Variants in LRRC4C observed in about 807,000 individuals in gnomAD.
The protein encoded by LRRC4C is leucine rich repeat containing 4C.
Under a neutral mutation model 33.6 loss-of-function variants are expected in LRRC4C, and 5 were observed. The observed-to-expected ratio is 0.15, with a 90% CI of 0.08 to 0.31. The LOEUF is 0.31. LRRC4C is among the 10% of genes least tolerant of loss of function. The pLI, the probability that LRRC4C is intolerant of heterozygous loss-of-function variation, is 1.00. For missense variants in LRRC4C, 560 were observed against 796.7 expected (o/e 0.70, Z 3.58); for synonymous variants, 329 against 302.0 (o/e 1.09, Z -0.93).
rs576197952 is a variant in LRRC4C at position 41,121,745 on chromosome 11, G to A, written c.-495-188022C>T. 3.3e-5 allele frequency among the ~76,000 whole-genome samples: 5 copies of A among 152,246 alleles called. No individual in the cohort carries two copies. In the East Asian group the frequency reaches 7.7e-4, roughly 24 times the overall value. On this transcript the variant is annotated intron_variant, in intron 1 of 6. Coordinates refer to ENST00000528697, the MANE Select transcript of LRRC4C (RefSeq NM_001258419.2). ...TAGGAGGACTGTCCACATGCTAGAG[G>A]ATAAAATAAAAGGGATGACCCTGAG...
chr11:41,339,155 T>C lies in LRRC4C; in HGVS notation c.-496+120276A>G, dbSNP rs546652644. Reference sequence around the variant, plus strand: ...TAGGGAAAGTATAGAAACTACTTCATTGGTCTTCACTTTATGATATTGCTA... The same window carrying C: ...TAGGGAAAGTATAGAAACTACTTCACTGGTCTTCACTTTATGATATTGCTA... On this transcript the variant is annotated intron_variant, in intron 1 of 6. Coordinates refer to ENST00000528697, the MANE Select transcript of LRRC4C (RefSeq NM_001258419.2). 2.0e-5 allele frequency among the ~76,000 whole-genome samples: 3 copies of C among 152,306 alleles called. No homozygotes were observed. In the East Asian group the frequency reaches 5.8e-4, roughly 29 times the overall value.
intron 1 of LRRC4C, among the ~76,000 whole-genome samples, chr11:41,312,145 C>T (rs1248649847): frequency 1.3e-5 from 2 of 152,008 alleles, no homozygotes; most frequent in Non-Finnish European, 2.9e-5. Context: ...AGAAAGAAAC[C>T]AGGAATTAGC....
At chr11:41,401,768 A>T (rs1954034519) in intron 1 of LRRC4C, among the ~76,000 whole-genome samples, 1 of 151,936 alleles carries the variant, frequency 6.6e-6, no homozygotes, top group Admixed American at 6.6e-5. Context: ...TGGGTTTTCA[A>T]AGAATATTTC....
intron 1 of LRRC4C, among the ~76,000 whole-genome samples, chr11:41,238,041 C>G (rs1948097898): frequency 1.4e-5 from 2 of 146,560 alleles, no homozygotes; most frequent in Non-Finnish European, 2.9e-5. Flanking sequence ...TCAACTGTCA[C>G]TCTTTTCCTA....
intron 1 of LRRC4C, among the ~76,000 whole-genome samples, chr11:40,965,134 T>TC (rs1479331865): frequency 6.6e-6 from 1 of 152,106 alleles, no homozygotes; most frequent in Non-Finnish European, 1.5e-5. Flanking sequence ...ATGATGAGCA[T>TC]TTTTCATGTG....
rs542211139 is a variant in LRRC4C, at chr11:40,312,813, C to T, written c.-176+6815G>A. Among the ~76,000 whole-genome samples the T allele has an allele frequency of 5.3e-5, 8 of 152,202 alleles. No individual in the cohort carries two copies. In the South Asian group the frequency reaches 1.2e-3, roughly 24 times the overall value. ...GGATGAAAATGTAGTCAGCTTAACC[C>T]GAAAGACATTTATTTGAGCATTTAA... On this transcript the variant is annotated intron_variant, in intron 4 of 6. Coordinates refer to ENST00000528697, the MANE Select transcript of LRRC4C (RefSeq NM_001258419.2).
At chr11:40,775,747 T>G (rs1442396606) in intron 2 of LRRC4C, among the ~76,000 whole-genome samples, 1 of 152,220 alleles carries the variant, frequency 6.6e-6, no homozygotes, top group Non-Finnish European at 1.5e-5. Context: ...TTTTGCTTTT[T>G]CTATTTGGAT....
intron 2 of LRRC4C, among the ~76,000 whole-genome samples, chr11:40,813,374 T>G (rs1353446791): frequency 7.9e-5 from 12 of 152,136 alleles, no homozygotes. Flanking sequence ...AGAGAGCTTG[T>G]GCAGGGGAAC....
intron 2 of LRRC4C, among the ~76,000 whole-genome samples, chr11:40,797,914 T>C (rs1446005002): frequency 7.9e-5 from 12 of 152,210 alleles, no homozygotes; most frequent in Non-Finnish European, 2.9e-5. Flanking sequence ...ATATTAACAC[T>C]GTTATTTAGC....
At chr11:41,121,164 CT>C (rs1183722628) in intron 1 of LRRC4C, among the ~76,000 whole-genome samples, 1 of 152,264 alleles carries the variant, frequency 6.6e-6, no homozygotes, top group African/African-American at 2.4e-5. Flanking sequence ...CATAAAGATC[CT>C]TTTTATTCAA....
intron 4 of LRRC4C, among the ~76,000 whole-genome samples, chr11:40,277,545 A>G (rs760424577): frequency 1.4e-3 from 215 of 152,234 alleles, no homozygotes; most frequent in African/African-American, 1.2e-3. Flanking sequence ...TTTAAACTAA[A>G]AGAAATCTAG....
At chr11:41,210,905 T>A (rs1946796052) in intron 1 of LRRC4C, among the ~76,000 whole-genome samples, 3 of 152,226 alleles carry the variant, frequency 2.0e-5, no homozygotes, top group Admixed American at 2.0e-4. Context: ...CTCAGATCAT[T>A]GGGCATTAGT....
chr11:40,214,684 C>T (rs576549930), intron 5 of LRRC4C, among the ~76,000 whole-genome samples: 26 of 152,236 alleles, frequency 1.7e-4, no homozygotes, highest in Non-Finnish European at 2.5e-4. Context: ...GTAAGACAGC[C>T]CTCACCAAAA....
rs373482471 is a variant in LRRC4C at position 41,348,590 on chromosome 11, C to T, written c.-496+110841G>A. ...TAGATACAGCCAGGAAGAGCGTCTC[C>T]CAGCAGAAGACCAGACTATGGAGAA... On this transcript the variant is annotated intron_variant, in intron 1 of 6. Coordinates refer to ENST00000528697, the MANE Select transcript of LRRC4C (RefSeq NM_001258419.2). Among the ~76,000 whole-genome samples, 8 of 150,628 alleles carry T rather than the reference C, an allele frequency of 5.3e-5. No homozygotes were observed. In the East Asian group the frequency reaches 8.0e-4, roughly 15 times the overall value.
intron 3 of LRRC4C, among the ~76,000 whole-genome samples, chr11:40,609,472 C>T (rs1960976344): frequency 6.6e-6 from 1 of 151,666 alleles, no homozygotes; most frequent in Non-Finnish European, 1.5e-5. Flanking sequence ...CTCAAATAAA[C>T]AACAATTTTG....
Position 41,166,029 on chromosome 11 carries a change from C to CA in LRRC4C, c.-495-232307dup, listed in dbSNP as rs35393339. 7.7e-3 allele frequency among the ~76,000 whole-genome samples: 935 copies of CA among 122,048 alleles called. 4 individuals are homozygous for CA. Among genetic ancestry groups the CA allele is most frequent in the African/African-American group, 0.014 (460 of 32,736 alleles). The allele number at this position is 122,048 out of a possible 152,430, so 80.1% of individuals were successfully genotyped here. ...CTCGGCAACAAGAGCGAAATTCTGT[C>CA]AAAAAAAAAAAAAAAGTCCCCAAAT... On this transcript the variant is annotated intron_variant, in intron 1 of 6. Coordinates refer to ENST00000528697, the MANE Select transcript of LRRC4C (RefSeq NM_001258419.2).
chr11:40,730,117 G>C (rs930381638), intron 2 of LRRC4C, among the ~76,000 whole-genome samples: 4 of 152,156 alleles, frequency 2.6e-5, no homozygotes, highest in South Asian at 2.1e-4. Context: ...GGGTTGGGGG[G>C]GGCAGGGATA....
chr11:41,114,019 T>C (rs1437032160), intron 1 of LRRC4C, among the ~76,000 whole-genome samples: 1 of 152,088 alleles, frequency 6.6e-6, no homozygotes, highest in Non-Finnish European at 1.5e-5. Flanking sequence ...TATTAAAGTT[T>C]ATCAGTATAA....
intron 2 of LRRC4C, among the ~76,000 whole-genome samples, chr11:40,863,347 C>A (rs1954196242): frequency 6.6e-6 from 1 of 152,088 alleles, no homozygotes; most frequent in Non-Finnish European, 1.5e-5. Context: ...ATTCACTATG[C>A]CAAGTAGAAA....
Sources: gnomAD v4.1 joint callset for allele counts (sites outside exome capture counted in the v4.1 genomes callset) on GRCh38, gnomAD v4.1.1 for gene constraint, MANE v1.5 for transcripts, NCBI Gene and HGNC (gene_info 2026-07-23, HGNC 2026-07-21) for gene names.